Variants in WDR45 observed in about 807,000 individuals in gnomAD.
The protein encoded by WDR45 is WD repeat domain 45, also known as WD repeat domain phosphoinositide-interacting protein 4.
WDR45 carries 2 observed loss-of-function variants against 27.3 expected under a neutral mutation model. The observed-to-expected ratio is 0.07, with a 90% CI of 0.03 to 0.23. The LOEUF is 0.23. Among genes scored for constraint, WDR45 ranks in the 10% least tolerant of loss-of-function variants. The pLI is 1.00. For synonymous variants in WDR45, 99 were observed against 119.2 expected, an observed-to-expected ratio of 0.83 and a Z score of 1.11; for missense variants, 175 against 311.9, an observed-to-expected ratio of 0.56 and a Z score of 3.31.
At chrX:49,076,298 A>T in intron 6 of WDR45, 132 bp downstream of exon 6, 1 of 706,099 alleles carries the variant, frequency 1.4e-6, no homozygotes, top group Non-Finnish European at 2.2e-6. Context: ...AGAGGCTATG[A>T]GTGTGAGCAT....
intron 2 of WDR45, among the ~76,000 whole-genome samples, chrX:49,090,189 G>A (rs1188884199): frequency 1.8e-5 from 2 of 109,820 alleles, no homozygotes; most frequent in Non-Finnish European, 1.9e-5. Context: ...TCAGCCTTCC[G>A]AGTAACTGGG....
At chrX:49,077,343 C>T in intron 4 of WDR45, 1 of 357,315 alleles carries the variant, frequency 2.8e-6, no homozygotes, top group Non-Finnish European at 5.0e-6. Flanking sequence ...ATCCTTCCTA[C>T]CCCATAGAGT....
At chrX:49,089,645 G>A (rs1194048065) in intron 2 of WDR45, among the ~76,000 whole-genome samples, 2 of 110,263 alleles carry the variant, frequency 1.8e-5, no homozygotes, top group African/African-American at 6.6e-5. Flanking sequence ...AAAGTAGCTG[G>A]CCATGGTGGT....
At chrX:49,087,929 G>A (rs2065091825) in intron 2 of WDR45, among the ~76,000 whole-genome samples, 1 of 112,470 alleles carries the variant, frequency 8.9e-6, no homozygotes, top group African/African-American at 3.2e-5. Context: ...ATCAGTGGCA[G>A]TTGTTTAACA....
rs1272514637 is a variant in WDR45 at position 49,075,971 on chromosome X, G to A, written c.437-26C>T. On this transcript the variant is annotated intron_variant, in intron 6 of 10. Transcript: ENST00000376372. The stretch of plus-strand genomic sequence containing the variant: ...CTAGGGTGTGAAGATGGGGGGTGGG[G>A]TGGGCGGCTGAAGAGGAGGCAGCAT... 4 of 1,148,131 alleles carry A rather than the reference G, an allele frequency of 3.5e-6. No individual in the cohort carries two copies. In the East Asian group the frequency reaches 9.0e-5, roughly 26 times the overall value. The allele number at this position is 1,148,131 out of a possible 1,213,427, so 94.6% of individuals were successfully genotyped here.
intron 2 of WDR45, among the ~76,000 whole-genome samples, chrX:49,093,134 T>G (rs111576209): frequency 0.029 from 3,175 of 111,000 alleles, 105 homozygotes; most frequent in African/African-American, 0.098. Context: ...TTCACCATGT[T>G]GGCCAGGATG....
chrX:49,077,333 A>G, intron 4 of WDR45: 1 of 320,079 alleles, frequency 3.1e-6, no homozygotes, highest in Non-Finnish European at 5.6e-6. Context: ...GGGGATAATG[A>G]TCCTTCCTAC....
intron 2 of WDR45, among the ~76,000 whole-genome samples, chrX:49,087,115 T>C (rs2065088962): frequency 9.2e-6 from 1 of 109,126 alleles, no homozygotes; most frequent in Non-Finnish European, 1.9e-5. Flanking sequence ...CCCAGCACTT[T>C]AGGAGGCCAA....
upstream of WDR45, chrX:49,101,152 C>A (rs1483205426): frequency 1.8e-5 from 2 of 112,569 alleles, no homozygotes; most frequent in African/African-American, 6.4e-5. Flanking sequence ...CACGACTTTC[C>A]CGGAGCCCAG....
At chrX:49,075,307 G>T (rs2065029800) in intron 9 of WDR45, 26 bp from the exon 10 acceptor site, 1 of 1,208,911 alleles carries the variant, frequency 8.3e-7, no homozygotes, top group Admixed American at 2.2e-5. Flanking sequence ...GCTAAGCCCA[G>T]GTATGGTAAA....
At chrX:49,083,018 T>C (rs1393257297), upstream of WDR45, among the ~76,000 whole-genome samples, 13 of 111,413 alleles carry the variant, frequency 1.2e-4, no homozygotes, top group Non-Finnish European at 2.3e-4. Context: ...TAGCTGGGAT[T>C]ATAGGCATGC....
intron 2 of WDR45, among the ~76,000 whole-genome samples, chrX:49,094,753 T>G (rs183222531): frequency 6.3e-5 from 7 of 110,641 alleles, no homozygotes; most frequent in African/African-American, 2.3e-4. Context: ...CAAAATTATA[T>G]GTTGAATGAC....
At chrX:49,084,642 T>TTC (rs1313632206), upstream of WDR45, among the ~76,000 whole-genome samples, 7 of 108,132 alleles carry the variant, frequency 6.5e-5, no homozygotes, top group Admixed American at 5.0e-4. Flanking sequence ...ACAATGATTT[T>TTC]TTTTTTTTTT....
chrX:49,077,987 ACC>A, intron 2 of WDR45, 52 bp downstream of exon 2: 1 of 1,208,987 alleles, frequency 8.3e-7, no homozygotes, highest in Non-Finnish European at 1.1e-6. Flanking sequence ...CCCACTTCTG[ACC>A]CCTCTTTTCC....
upstream of WDR45, among the ~76,000 whole-genome samples, chrX:49,084,059 T>C (rs1179443797): frequency 1.1e-3 from 109 of 100,788 alleles, no homozygotes; most frequent in Non-Finnish European, 1.7e-3. Context: ...TTTTCTTTTT[T>C]TTTTTTTTTT....
At chrX:49,076,243 G>A in intron 6 of WDR45, 187 bp downstream of exon 6, 3 of 528,064 alleles carry the variant, frequency 5.7e-6, no homozygotes, top group Non-Finnish European at 9.3e-6. Context: ...CAGGGGTGGG[G>A]CAGGTCCGGA....
chrX:49,095,907 C>T (rs1039026055), intron 2 of WDR45, among the ~76,000 whole-genome samples: 10 of 106,708 alleles, frequency 9.4e-5, no homozygotes, highest in Admixed American at 4.1e-4. Flanking sequence ...GAATTACAGG[C>T]GCCAGCTGCC....
rs912755294 is a variant in WDR45, at chrX:49,078,063, G to A, written c.33C>T (p.Ser11=). The change falls in exon 2 of 11, where the codon AGC becomes AGT. Residue 11 remains serine, a synonymous_variant. Transcript: ENST00000376372. ...CACTTTGGTCTTGGTTGAAACGCAGGCTGGTCACTCCTCGAAGTGGCTGTT... is the reference window on the plus strand; with the variant it reads ...CACTTTGGTCTTGGTTGAAACGCAGACTGGTCACTCCTCGAAGTGGCTGTT... MTQQPLRGVT[S]LRFNQDQSCF... is the part of the protein sequence containing the mutation. 8.3e-7 allele frequency: 1 copy of A among 1,210,584 alleles called. No individual in the cohort carries two copies.
At chrX:49,098,644 C>T (rs1424641872) in intron 2 of WDR45, among the ~76,000 whole-genome samples, 2 of 110,176 alleles carry the variant, frequency 1.8e-5, no homozygotes, top group African/African-American at 6.6e-5. Context: ...CTCATCTCTA[C>T]AAAAAGTAAA....
Sources: allele counts gnomAD v4.1 joint callset (sites outside exome capture counted in the v4.1 genomes callset), GRCh38; gene constraint gnomAD v4.1.1; transcripts MANE v1.5; gene names NCBI Gene and HGNC (gene_info 2026-07-23, HGNC 2026-07-21).